The following PTPRN2 variants were observed in gnomAD, a reference collection of about 807,000 sequenced individuals.
PTPRN2 encodes the protein receptor-type tyrosine-protein phosphatase N2.
A neutral mutation model predicts 118.8 loss-of-function variants in PTPRN2; 74 were observed. That is an observed-to-expected ratio of 0.62 (90% confidence interval 0.52 to 0.76). The LOEUF (loss-of-function observed/expected upper bound fraction) is 0.76. Ranked by LOEUF, PTPRN2 falls within the 30% of genes least tolerant of loss-of-function variation. The pLI, the probability that PTPRN2 is intolerant of heterozygous loss-of-function variation, is 0.00. For missense variants in PTPRN2, 1,481 were observed against 1,394.4 expected (o/e 1.06, Z -0.99); for synonymous variants, 641 against 608.0 (o/e 1.05, Z -0.80).
intron 2 of PTPRN2, among the ~76,000 whole-genome samples, chr7:158,423,427 C>T (rs1300191896): frequency 2.0e-5 from 3 of 152,240 alleles, no homozygotes; most frequent in African/African-American, 7.2e-5. Flanking sequence ...TGGTCCCGCC[C>T]TAGCTTCCTC....
intron 12 of PTPRN2, among the ~76,000 whole-genome samples, chr7:157,709,642 G>A (rs185188643): frequency 6.6e-6 from 1 of 152,328 alleles, no homozygotes; most frequent in Non-Finnish European, 1.5e-5. Context: ...AGGAATGGGC[G>A]GTCCTGCTAC....
At chr7:158,053,157 G>A (rs1809466651) in intron 11 of PTPRN2, among the ~76,000 whole-genome samples, 1 of 152,212 alleles carries the variant, frequency 6.6e-6, no homozygotes, top group African/African-American at 2.4e-5. Context: ...TAACCTAGAG[G>A]AATTTTTATG....
chr7:157,975,755 C>CTTT (rs112294322), intron 11 of PTPRN2, among the ~76,000 whole-genome samples: 141 of 148,224 alleles, frequency 9.5e-4, no homozygotes, highest in African/African-American at 3.3e-3. Context: ...GTGAATTTAC[C>CTTT]TTTTTTTTTT....
chr7:158,570,118 G>A lies in PTPRN2; in HGVS notation c.112+17440C>T, dbSNP rs922898964. Among the ~76,000 whole-genome samples, 1 of 152,132 alleles carries A rather than the reference G, an allele frequency of 6.6e-6. No individual in the cohort carries two copies. The highest frequency in any genetic ancestry group is 1.5e-5 in the Non-Finnish European group (1 of 68,010). ...GAAGCCGCCGCGCCGGGCTGAGATC[G>A]GGCCCCAGGCTCTCCGCGGAGCCGT... is the stretch of plus-strand genomic sequence containing the variant. On this transcript the variant is annotated intron_variant, in intron 1 of 22. Transcript: ENST00000389418. This position sits in a 1 kb window ranked among gnomAD's most constrained non-coding sequence, Gnocchi z 4.5.
At chr7:158,086,367 C>T (rs1813411869) in intron 10 of PTPRN2, among the ~76,000 whole-genome samples, 1 of 152,226 alleles carries the variant, frequency 6.6e-6, no homozygotes, top group Non-Finnish European at 1.5e-5. Context: ...ATGCCTTTTC[C>T]TCCTTAAACC....
chr7:158,337,136 C>A (rs371091148), intron 2 of PTPRN2, among the ~76,000 whole-genome samples: 2 of 147,254 alleles, frequency 1.4e-5, no homozygotes, highest in African/African-American at 5.0e-5. Flanking sequence ...AGGTCACTTA[C>A]AGCCATACTC....
chr7:157,996,188 C>T (rs10258167), intron 11 of PTPRN2, among the ~76,000 whole-genome samples: 102,187 of 152,158 alleles, frequency 0.67, 34,723 homozygotes, highest in East Asian at 0.88. Flanking sequence ...ATCAGAAAGT[C>T]AAATACTGCA....
chr7:158,126,119 A>G (rs369555000), intron 9 of PTPRN2, among the ~76,000 whole-genome samples: 2,457 of 61,524 alleles, frequency 0.04, 128 homozygotes, highest in South Asian at 0.089. Flanking sequence ...GGGCGGCGGA[A>G]CTTCCTCTCC....
At chr7:158,177,494 G>A (rs939366463) in intron 5 of PTPRN2, among the ~76,000 whole-genome samples, 5 of 152,106 alleles carry the variant, frequency 3.3e-5, no homozygotes, top group East Asian at 1.9e-4. Flanking sequence ...CAATGAACAC[G>A]TCCGTCACCC....
intron 2 of PTPRN2, among the ~76,000 whole-genome samples, chr7:158,466,239 T>G (rs142273959): frequency 1.3e-5 from 2 of 152,166 alleles, no homozygotes; most frequent in African/African-American, 4.8e-5. Flanking sequence ...CCTCACGCTG[T>G]GCATTAGGCC....
chr7:158,216,287 G>T (rs1289823184), intron 3 of PTPRN2, among the ~76,000 whole-genome samples: 1 of 151,876 alleles, frequency 6.6e-6, no homozygotes, highest in African/African-American at 2.4e-5. Context: ...TAACTCAAAG[G>T]AAGGGAGGAA....
At chr7:157,901,273 C>T (rs2128752992) in intron 11 of PTPRN2, among the ~76,000 whole-genome samples, 1 of 152,288 alleles carries the variant, frequency 6.6e-6, no homozygotes, top group African/African-American at 2.4e-5. Context: ...AGCCCTCCCA[C>T]CAGGCTGCAC....
chr7:158,161,438 A>G (rs548731970), intron 6 of PTPRN2, among the ~76,000 whole-genome samples: 2 of 152,328 alleles, frequency 1.3e-5, no homozygotes, highest in Non-Finnish European at 2.9e-5. Context: ...GTCCACATAC[A>G]TGAGGTCAGC....
Position 157,540,663 on chromosome 7 carries a change from C to G in PTPRN2, c.*51G>C, listed in dbSNP as rs558686530. On this transcript the variant is annotated 3_prime_UTR_variant, in exon 23 of 23. Coordinates refer to ENST00000389418, the MANE Select transcript of PTPRN2 (RefSeq NM_002847.5). ...CACAATTAAAGTCAGATCATGATTC[C>G]TGACAACATCCGTGGGGTGGGGGCT... 3.5e-5 allele frequency: 50 copies of G among 1,426,214 alleles called. No individual in the cohort carries two copies. Among genetic ancestry groups the G allele is most frequent in the South Asian group, 3.2e-4 (26 of 80,766 alleles). 88.3% of individuals were successfully genotyped at this position (1,426,214 alleles called of 1,614,324 possible).
Position 157,964,042 on chromosome 7 carries a change from T to A in PTPRN2, c.1724-65305A>T, listed in dbSNP as rs1801727374. Among the ~76,000 whole-genome samples the A allele has an allele frequency of 6.6e-6, 1 of 152,172 alleles. No homozygotes were observed. Among genetic ancestry groups the A allele is most frequent in the Admixed American group, 6.5e-5 (1 of 15,276 alleles). ...GTTCAAGTTCAAGCAGTATTTTTTT[T>A]AATAAAGATTATTCCCAATAGATCT... is the stretch of plus-strand genomic sequence containing the variant. On this transcript the variant is annotated intron_variant, in intron 11 of 22. Coordinates refer to ENST00000389418, the MANE Select transcript of PTPRN2 (RefSeq NM_002847.5). The surrounding 1 kb of genome is among the most constrained non-coding windows in gnomAD (Gnocchi z 9.0).
chr7:157,744,192 C>T (rs968292007), intron 12 of PTPRN2, among the ~76,000 whole-genome samples: 10 of 152,150 alleles, frequency 6.6e-5, no homozygotes, highest in African/African-American at 2.2e-4. Context: ...CGTAAACAAG[C>T]GGGCGCGAGG....
At chr7:157,573,143 G>A (rs1014698856) in intron 19 of PTPRN2, among the ~76,000 whole-genome samples, 3 of 152,238 alleles carry the variant, frequency 2.0e-5, no homozygotes, top group African/African-American at 7.2e-5. Context: ...CCAGGCCTCA[G>A]GGGTGCACCC....
intron 2 of PTPRN2, among the ~76,000 whole-genome samples, chr7:158,471,308 C>T (rs536839237): frequency 6.6e-6 from 1 of 152,218 alleles, no homozygotes; most frequent in South Asian, 2.1e-4. Context: ...CTGGACTTAC[C>T]AAGGGATCTT....
chr7:158,171,091 CATAT>C (rs370749879), intron 5 of PTPRN2, among the ~76,000 whole-genome samples: 2 of 130,612 alleles, frequency 1.5e-5, no homozygotes, highest in Non-Finnish European at 3.1e-5. Context: ...TATATACACA[CATAT>C]ATATATACAC....
Sources: gnomAD v4.1 joint callset for allele counts (sites outside exome capture counted in the v4.1 genomes callset) on GRCh38, gnomAD v4.1.1 for gene constraint, Gnocchi (gnomAD v3.1) non-coding constraint, MANE v1.5 for transcripts, NCBI Gene and HGNC (gene_info 2026-07-23, HGNC 2026-07-21) for gene names.